Variants in GPC5 observed in about 807,000 individuals in gnomAD.
GPC5 encodes glypican-5.
GPC5 carries 47 observed loss-of-function variants against 53.9 expected under a neutral mutation model. That is an observed-to-expected ratio of 0.87 (90% CI 0.69 to 1.11). The LOEUF is 1.11. GPC5 is among the 50% of genes most tolerant of loss of function. The probability of loss-of-function intolerance (pLI) is 0.00; values close to 1 mark genes in which losing one functional copy is unlikely to be tolerated. For synonymous variants in GPC5, 286 were observed against 263.3 expected (o/e 1.09, Z -0.84); for missense variants, 748 against 713.1 (o/e 1.05, Z -0.56).
At chr13:92,658,392 G>A (rs1886210323) in intron 7 of GPC5, among the ~76,000 whole-genome samples, 1 of 152,114 alleles carries the variant, frequency 6.6e-6, no homozygotes, top group Admixed American at 6.5e-5. Flanking sequence ...GCAAAATTTA[G>A]AGTTCTATGT....
At chr13:92,368,599 T>C (rs56376337) in intron 7 of GPC5, among the ~76,000 whole-genome samples, 3,818 of 118,906 alleles carry the variant, frequency 0.032, 176 homozygotes, top group African/African-American at 0.12. Context: ...ATCGCACCAC[T>C]ACATTCCAGC....
At chr13:92,164,926 G>A (rs546438389) in intron 7 of GPC5, among the ~76,000 whole-genome samples, 46 of 152,346 alleles carry the variant, frequency 3.0e-4, no homozygotes, top group Non-Finnish European at 5.3e-4. Flanking sequence ...CTTGGGGTTC[G>A]CACCCTCTGA....
At chr13:91,415,372 C>T (rs1156818366) in intron 1 of GPC5, among the ~76,000 whole-genome samples, 3 of 152,296 alleles carry the variant, frequency 2.0e-5, no homozygotes, top group East Asian at 3.9e-4. Flanking sequence ...GTGCTGTTTG[C>T]TGTGAGTCTC....
chr13:92,761,522 A>T (rs1171600329), intron 7 of GPC5, among the ~76,000 whole-genome samples: 1 of 152,106 alleles, frequency 6.6e-6, no homozygotes, highest in African/African-American at 2.4e-5. Context: ...ATTTTATTTG[A>T]TATAAGTAGA....
rs532813517 is a variant in GPC5 at position 91,437,280 on chromosome 13, C to T, written c.164-11481C>T. Among the ~76,000 whole-genome samples, 37 of 152,242 alleles carry T rather than the reference C, an allele frequency of 2.4e-4. 1 individual carries two copies. Among genetic ancestry groups the T allele is most frequent in the African/African-American group, 8.9e-4 (37 of 41,548 alleles). On this transcript the variant is annotated intron_variant, in intron 1 of 7. Coordinates refer to ENST00000377067, the MANE Select transcript of GPC5 (RefSeq NM_004466.6). ...GTTGGTTGATGCAGTTTCTTCCTAGCCTCGATGGTCTTTACAATTTGGCAT... is the reference window on the plus strand; with the variant it reads ...GTTGGTTGATGCAGTTTCTTCCTAGTCTCGATGGTCTTTACAATTTGGCAT...
chr13:91,828,472 C>A (rs557779569), intron 5 of GPC5, among the ~76,000 whole-genome samples: 1 of 152,052 alleles, frequency 6.6e-6, no homozygotes, highest in African/African-American at 2.4e-5. Context: ...AGCAATGTCA[C>A]GTTGATTGCA....
intron 7 of GPC5, among the ~76,000 whole-genome samples, chr13:92,832,773 C>A (rs528715088): frequency 5.9e-5 from 9 of 152,152 alleles, no homozygotes; most frequent in Admixed American, 3.9e-4. Context: ...TTTGGGAGAC[C>A]AAGGTGGGCA....
At chr13:92,006,717 T>G (rs1022583864) in intron 6 of GPC5, among the ~76,000 whole-genome samples, 3 of 152,124 alleles carry the variant, frequency 2.0e-5, no homozygotes, top group Non-Finnish European at 4.4e-5. Context: ...TTTTCATTAT[T>G]TCAGATTATG....
intron 6 of GPC5, among the ~76,000 whole-genome samples, chr13:92,078,306 A>G (rs1401829062): frequency 6.6e-6 from 1 of 152,226 alleles, no homozygotes; most frequent in Non-Finnish European, 1.5e-5. Flanking sequence ...TCTGAGCGCC[A>G]TTTTAAACTT....
At chr13:92,361,391 A>G (rs1052053994) in intron 7 of GPC5, among the ~76,000 whole-genome samples, 5 of 151,694 alleles carry the variant, frequency 3.3e-5, no homozygotes, top group African/African-American at 9.8e-5. Context: ...TTGGCCTCCT[A>G]TTCTGGAAAG....
intron 3 of GPC5, among the ~76,000 whole-genome samples, chr13:91,718,848 C>T (rs2139951864): frequency 6.6e-6 from 1 of 152,262 alleles, no homozygotes; most frequent in East Asian, 1.9e-4. Flanking sequence ...TTCTTTGGCA[C>T]ATACTTTGTA....
Position 91,909,150 on chromosome 13 carries a change from G to A in GPC5, c.1401+1093G>A, listed in dbSNP as rs78415659. Among the ~76,000 whole-genome samples the A allele has an allele frequency of 6.8e-3, 1,037 of 152,244 alleles. 3 individuals carry two copies. Among genetic ancestry groups the A allele is most frequent in the Non-Finnish European group, 0.01 (712 of 68,006 alleles). Reference sequence around the variant, plus strand: ...GATACCTGTAGAAAACAGATCTCTCGCCCTGGCTGGCAAAACCCAAAATAA... The same window carrying A: ...GATACCTGTAGAAAACAGATCTCTCACCCTGGCTGGCAAAACCCAAAATAA... On this transcript the variant is annotated intron_variant, in intron 6 of 7. Coordinates refer to ENST00000377067, the MANE Select transcript of GPC5 (RefSeq NM_004466.6).
At chr13:92,277,738 T>C (rs1485547523) in intron 7 of GPC5, among the ~76,000 whole-genome samples, 1 of 151,954 alleles carries the variant, frequency 6.6e-6, no homozygotes, top group Non-Finnish European at 1.5e-5. Context: ...AAAATGGCAC[T>C]GCAGACAACT....
At chr13:92,338,437 T>A (rs1046467375) in intron 7 of GPC5, among the ~76,000 whole-genome samples, 1 of 152,076 alleles carries the variant, frequency 6.6e-6, no homozygotes, top group Non-Finnish European at 1.5e-5. Context: ...TGAATTCACA[T>A]GAAAACTGGC....
intron 7 of GPC5, among the ~76,000 whole-genome samples, chr13:92,208,509 C>T (rs1177726): frequency 0.17 from 26,465 of 152,156 alleles, 2,523 homozygotes; most frequent in Admixed American, 0.22. Flanking sequence ...TGTCCATAAG[C>T]CAAGCAACTC....
chr13:92,711,906 C>A (rs1286302694), intron 7 of GPC5, among the ~76,000 whole-genome samples: 1 of 151,618 alleles, frequency 6.6e-6, no homozygotes, highest in African/African-American at 2.4e-5. Flanking sequence ...CAAAATTGTG[C>A]CAAACTGCTT....
intron 6 of GPC5, among the ~76,000 whole-genome samples, chr13:92,005,214 G>A (rs931627834): frequency 1.3e-5 from 2 of 152,108 alleles, no homozygotes; most frequent in African/African-American, 4.8e-5. Flanking sequence ...TCCCTCCCTG[G>A]CTTACAGGAT....
chr13:91,863,708 A>C (rs2039054928), intron 5 of GPC5, among the ~76,000 whole-genome samples: 1 of 152,212 alleles, frequency 6.6e-6, no homozygotes, highest in Non-Finnish European at 1.5e-5. Context: ...TCTGAGGCTA[A>C]CCATTCCTTA....
At chr13:92,692,498 G>T (rs1347401160) in intron 7 of GPC5, among the ~76,000 whole-genome samples, 1 of 145,194 alleles carries the variant, frequency 6.9e-6, no homozygotes, top group Non-Finnish European at 1.5e-5. Context: ...ATCACACACA[G>T]GAAGGGGAAC....
Sources: gnomAD v4.1 joint callset for allele counts (sites outside exome capture counted in the v4.1 genomes callset) on GRCh38, gnomAD v4.1.1 for gene constraint, MANE v1.5 for transcripts, NCBI Gene and HGNC (gene_info 2026-07-23, HGNC 2026-07-21) for gene names.